Variants in ADD1 observed in about 807,000 individuals in gnomAD.
ADD1 encodes the protein alpha-adducin.
In ADD1, 24 loss-of-function variants were observed where a neutral mutation model predicts 80.5. That is an observed-to-expected ratio of 0.30 (90% CI 0.22 to 0.42). ADD1 has a LOEUF of 0.42. ADD1 is among the 10% of genes least tolerant of loss of function. The pLI, the probability that ADD1 is intolerant of heterozygous loss-of-function variation, is 1.00. For synonymous variants in ADD1, 373 were observed against 393.8 expected, an observed-to-expected ratio of 0.95 and a Z score of 0.63; for missense variants, 948 against 1,019.0, an observed-to-expected ratio of 0.93 and a Z score of 0.95.
At chr4:2,896,359 C>A (rs1015731993) in intron 6 of ADD1, among the ~76,000 whole-genome samples, 5 of 152,078 alleles carry the variant, frequency 3.3e-5, no homozygotes, top group Non-Finnish European at 7.4e-5. Context: ...CAGGTGCACA[C>A]CACCATTCCC....
chr4:2,896,112 C>T lies in ADD1; in HGVS notation c.741+1381C>T, dbSNP rs1181190394. Among the ~76,000 whole-genome samples, 14 of 151,968 alleles carry T rather than the reference C, an allele frequency of 9.2e-5. No individual in the cohort carries two copies. The South Asian group carries it at 1.2e-3, about 13-fold the overall frequency. ...CCGTGTTAGCCAGAATGGTCTTGAT[C>T]GCCTGACCTCGTGATCCGCCCGCTT... On this transcript the variant is annotated intron_variant, in intron 6 of 15. Coordinates refer to ENST00000683351, the MANE Select transcript of ADD1 (RefSeq NM_001354761.2).
chr4:2,915,807 CA>C (rs1009804696), intron 14 of ADD1, among the ~76,000 whole-genome samples: 1 of 150,712 alleles, frequency 6.6e-6, no homozygotes, highest in Non-Finnish European at 1.5e-5. Flanking sequence ...CTGGGCATCT[CA>C]AAAAAAAAGA....
chr4:2,902,092 C>T (rs1736290871), intron 9 of ADD1: 1 of 152,062 alleles, frequency 6.6e-6, no homozygotes, highest in Non-Finnish European at 1.5e-5. Context: ...GATAGTAGTT[C>T]TGAGGTCTGA....
chr4:2,861,930 G>C (rs1037255455), intron 1 of ADD1, among the ~76,000 whole-genome samples: 6 of 152,162 alleles, frequency 3.9e-5, no homozygotes, highest in African/African-American at 1.2e-4. Context: ...AACATTATGA[G>C]ATTTAAGTTC....
At chr4:2,856,634 C>T (rs546376380) in intron 1 of ADD1, among the ~76,000 whole-genome samples, 7 of 135,802 alleles carry the variant, frequency 5.2e-5, no homozygotes, top group African/African-American at 1.7e-4. Flanking sequence ...CTCCGTTGCT[C>T]AGGCTGGAGT....
intron 10 of ADD1, among the ~76,000 whole-genome samples, chr4:2,906,913 C>G (rs1470025965): frequency 1.3e-5 from 2 of 152,076 alleles, no homozygotes; most frequent in East Asian, 1.9e-4. Flanking sequence ...AAAGGCATAA[C>G]ATTTGCTCTC....
At chr4:2,905,230 CT>C in intron 10 of ADD1, 122 bp downstream of exon 10, 3 of 879,528 alleles carry the variant, frequency 3.4e-6, no homozygotes, top group Non-Finnish European at 5.3e-6. Flanking sequence ...TCCTTATTCA[CT>C]TTCTTGTAGT....
intron 14 of ADD1, among the ~76,000 whole-genome samples, chr4:2,916,581 C>T (rs1206120394): frequency 6.6e-6 from 1 of 152,016 alleles, no homozygotes; most frequent in Admixed American, 6.6e-5. Context: ...ATGTACAGAA[C>T]GTGCAGGTTT....
intron 5 of ADD1, 132 bp downstream of exon 5, chr4:2,894,225 A>C (rs1233697571): frequency 1.3e-6 from 1 of 750,212 alleles, no homozygotes; most frequent in Non-Finnish European, 2.2e-6. Context: ...GTGTTCAGTT[A>C]GAGAAAAACC....
chr4:2,879,273 T>G (rs1461292154), intron 2 of ADD1, among the ~76,000 whole-genome samples: 1 of 152,182 alleles, frequency 6.6e-6, no homozygotes, highest in Non-Finnish European at 1.5e-5. Flanking sequence ...CACGTGTCCT[T>G]TCTGCACTTA....
rs1379399312 is a variant in ADD1, at chr4:2,915,006, C to T, written c.1914C>T (p.Arg638=). 3.1e-6 allele frequency: 5 copies of T among 1,613,898 alleles called. No homozygotes were observed. Among genetic ancestry groups the T allele is most frequent in the South Asian group, 1.1e-5 (1 of 91,038 alleles). Reference sequence around the variant, plus strand: ...CAGACCGTGAGCTGGAGGAGTACCGCAGGGAGGTGGAGAGGAAGCAGAAGG... The same window carrying T: ...CAGACCGTGAGCTGGAGGAGTACCGTAGGGAGGTGGAGAGGAAGCAGAAGG... The part of the protein sequence containing the change: ...TLTDRELEEY[R]REVERKQKGS... Residue 638 remains arginine (R), a synonymous_variant, in exon 14 of 16, where the codon CGC becomes CGT. Transcript: ENST00000683351.
chr4:2,856,337 C>T (rs2108806731), intron 1 of ADD1, among the ~76,000 whole-genome samples: 1 of 152,086 alleles, frequency 6.6e-6, no homozygotes, highest in South Asian at 2.1e-4. Context: ...TTTGTTATTC[C>T]CTTGTAGGTG....
In ADD1 at chr4:2,926,316, G is replaced by A. The variant is rs1711605481; in HGVS notation, c.2047+204G>A. On this transcript the variant is annotated intron_variant, in intron 15 of 15. Coordinates refer to ENST00000683351, the MANE Select transcript of ADD1 (RefSeq NM_001354761.2). The surrounding 1 kb of genome is among the most constrained non-coding windows in gnomAD (Gnocchi z 5.0). ...CAGATTTGTATGTGAGCTGTGACCAGGTAGGAAGGCCGGCCTCGGGGGTCG... is the reference window on the plus strand; with the variant it reads ...CAGATTTGTATGTGAGCTGTGACCAAGTAGGAAGGCCGGCCTCGGGGGTCG... The A allele has an allele frequency of 1.4e-6, 1 of 717,038 alleles. No homozygotes were observed. The highest frequency in any genetic ancestry group is 2.5e-6 in the Non-Finnish European group (1 of 397,366). 44.4% of individuals were successfully genotyped at this position (717,038 alleles called of 1,614,324 possible). A position where few individuals can be genotyped will look rare whatever the true frequency, so the allele number is the denominator to read the frequency against.
At chr4:2,896,017 A>G (rs1275706004) in intron 6 of ADD1, among the ~76,000 whole-genome samples, 1 of 151,652 alleles carries the variant, frequency 6.6e-6, no homozygotes, top group African/African-American at 2.4e-5. Context: ...CCTCCCAAGT[A>G]GCTGGGACTA....
intron 11 of ADD1, among the ~76,000 whole-genome samples, chr4:2,908,086 G>A (rs1737369696): frequency 6.6e-6 from 1 of 152,210 alleles, no homozygotes; most frequent in East Asian, 1.9e-4. Context: ...TTGCTCACCG[G>A]TCAGAATTGG....
chr4:2,860,537 C>T (rs904332767), intron 1 of ADD1, among the ~76,000 whole-genome samples: 21 of 152,108 alleles, frequency 1.4e-4, no homozygotes, highest in African/African-American at 5.1e-4. Flanking sequence ...CTTAGATTAG[C>T]GTTGTTAGTC....
At chr4:2,920,101 G>A (rs1421283395) in intron 14 of ADD1, among the ~76,000 whole-genome samples, 1 of 152,166 alleles carries the variant, frequency 6.6e-6, no homozygotes. Context: ...TATTTACCCA[G>A]TAGTCATTTA....
rs758744240 is a variant in ADD1 at position 2,928,460 on chromosome 4, AAAG to A, written c.2347_2349del (p.Lys783del). On this transcript the variant is annotated inframe_deletion, in exon 16 of 16. Coordinates refer to ENST00000683351, the MANE Select transcript of ADD1 (RefSeq NM_001354761.2). ...GGTCTCCAGGCAAGTCCCCGTCCAA[AAAG>A]AAGAAGAAGTTCCGTACCCCGTCCT... 479 of 1,613,706 alleles carry A rather than the reference AAAG, an allele frequency of 3.0e-4. No individual in the cohort carries two copies. The highest frequency in any genetic ancestry group is 3.3e-4 in the Non-Finnish European group (387 of 1,179,994).
chr4:2,860,551 A>G (rs937314942), intron 1 of ADD1, among the ~76,000 whole-genome samples: 2 of 152,190 alleles, frequency 1.3e-5, no homozygotes, highest in African/African-American at 4.8e-5. Context: ...GTTAGTCCAA[A>G]ATGTTAGATC....
Sources: gnomAD v4.1 joint callset for allele counts (sites outside exome capture counted in the v4.1 genomes callset) on GRCh38, gnomAD v4.1.1 for gene constraint, Gnocchi (gnomAD v3.1) non-coding constraint, MANE v1.5 for transcripts, NCBI Gene and HGNC (gene_info 2026-07-23, HGNC 2026-07-21) for gene names.